Variants in PTPRN2 observed in about 807,000 individuals in gnomAD.
PTPRN2 encodes receptor-type tyrosine-protein phosphatase N2.
Under a neutral mutation model 118.8 loss-of-function variants are expected in PTPRN2, and 74 were observed. That is an observed-to-expected ratio of 0.62 (90% CI 0.52 to 0.76). The LOEUF (loss-of-function observed/expected upper bound fraction) is 0.76, where lower values mean the gene tolerates loss of function less well. Among genes scored for constraint, PTPRN2 ranks in the 30% least tolerant of loss-of-function variants. The probability of loss-of-function intolerance (pLI) is 0.00; values close to 1 mark genes in which losing one functional copy is unlikely to be tolerated. For missense variants in PTPRN2, 1,481 were observed against 1,394.4 expected, an observed-to-expected ratio of 1.06 and a Z score of -0.99; for synonymous variants, 641 against 608.0, an observed-to-expected ratio of 1.05 and a Z score of -0.80.
At position 158,525,266 on chromosome 7, in the gene PTPRN2, G is replaced by C. The variant is rs1393082002; in HGVS notation, c.113-35481C>G. Among the ~76,000 whole-genome samples the C allele has an allele frequency of 3.3e-5, 5 of 152,218 alleles. No individual in the cohort carries two copies. Among genetic ancestry groups the C allele is most frequent in the Non-Finnish European group, 5.9e-5 (4 of 68,048 alleles). On this transcript the variant is annotated intron_variant, in intron 1 of 22. Transcript: ENST00000389418. The surrounding 1 kb of genome is among the most constrained non-coding windows in gnomAD (Gnocchi z 4.1). The stretch of plus-strand genomic sequence containing the variant: ...CCAGAGGTGAAAGTTTCTCTATTTT[G>C]GAAACTGGGCATCTGCCAAGGAGAA...
At chr7:157,741,089 G>A (rs1333767873) in intron 12 of PTPRN2, among the ~76,000 whole-genome samples, 1 of 152,200 alleles carries the variant, frequency 6.6e-6, no homozygotes, top group African/African-American at 2.4e-5. Context: ...GAGGCCAAAG[G>A]TGCTTCTAAC....
chr7:158,581,045 G>A (rs960118648), intron 1 of PTPRN2, among the ~76,000 whole-genome samples: 1 of 152,192 alleles, frequency 6.6e-6, no homozygotes, highest in Admixed American at 6.5e-5. Context: ...AAGCTTCTAA[G>A]AGAAAGGCAG....
chr7:158,089,650 T>C (rs62480183), intron 10 of PTPRN2, among the ~76,000 whole-genome samples: 30 of 38,254 alleles, frequency 7.8e-4, no homozygotes, highest in South Asian at 3.6e-3. Flanking sequence ...CTTCCCCTGA[T>C]GAAAGGGGGA....
intron 2 of PTPRN2, among the ~76,000 whole-genome samples, chr7:158,436,139 A>G (rs867078345): frequency 1.5e-4 from 23 of 152,334 alleles, no homozygotes; most frequent in Middle Eastern, 3.4e-3. Context: ...CGCATCCTGG[A>G]TAATGCCAAA....
chr7:157,610,365 T>C lies in PTPRN2; in HGVS notation c.2345-6290A>G, dbSNP rs573366117. On this transcript the variant is annotated intron_variant, in intron 15 of 22. Transcript: ENST00000389418. This position sits in a 1 kb window ranked among gnomAD's most constrained non-coding sequence, Gnocchi z 5.1. ...GTGAAGGTTTAGGCTCAGTCATTTA[T>C]GCTGGCAGGAGGCCCTCTTCTTCAT... Among the ~76,000 whole-genome samples, 110 of 152,356 alleles carry C rather than the reference T, an allele frequency of 7.2e-4. No individual in the cohort carries two copies. Among genetic ancestry groups the C allele is most frequent in the African/African-American group, 2.4e-3 (101 of 41,590 alleles).
At chr7:158,367,079 C>T (rs555733352) in intron 2 of PTPRN2, among the ~76,000 whole-genome samples, 11 of 152,180 alleles carry the variant, frequency 7.2e-5, no homozygotes, top group Non-Finnish European at 1.3e-4. Flanking sequence ...GGCAACAGCA[C>T]CTGGAATGAG....
In PTPRN2 at chr7:157,622,553, G is replaced by A. The variant is rs1395970720; in HGVS notation, c.2197-1044C>T. Among the ~76,000 whole-genome samples, 1 of 152,112 alleles carries A rather than the reference G, an allele frequency of 6.6e-6. No homozygotes were observed. Among genetic ancestry groups the A allele is most frequent in the Non-Finnish European group, 1.5e-5 (1 of 68,030 alleles). On this transcript the variant is annotated intron_variant, in intron 14 of 22. Transcript: ENST00000389418. The surrounding 1 kb of genome is among the most constrained non-coding windows in gnomAD (Gnocchi z 5.3). Reference sequence around the variant, plus strand: ...AGGGAGGGCTGGACACGGCGAGGCGGGAATCTCAGGTCATCGTGCCGTCTA... The same window carrying A: ...AGGGAGGGCTGGACACGGCGAGGCGAGAATCTCAGGTCATCGTGCCGTCTA...
At chr7:158,220,061 G>A (rs963756951) in intron 3 of PTPRN2, among the ~76,000 whole-genome samples, 2 of 151,966 alleles carry the variant, frequency 1.3e-5, no homozygotes, top group Non-Finnish European at 2.9e-5. Flanking sequence ...GAAACCATAT[G>A]ATCATCTTAA....
chr7:157,662,157 G>A (rs767049099), intron 13 of PTPRN2, among the ~76,000 whole-genome samples: 2 of 152,160 alleles, frequency 1.3e-5, no homozygotes, highest in Non-Finnish European at 2.9e-5. Flanking sequence ...TAATCTCTGT[G>A]TGCCTCAGTT....
At chr7:158,347,935 G>A (rs1277958473) in intron 2 of PTPRN2, among the ~76,000 whole-genome samples, 1 of 151,966 alleles carries the variant, frequency 6.6e-6, no homozygotes, top group Non-Finnish European at 1.5e-5. Context: ...GCATTCCTGG[G>A]GGTGCCCCCT....
At chr7:157,572,560 T>C (rs974871874) in intron 19 of PTPRN2, among the ~76,000 whole-genome samples, 2 of 152,052 alleles carry the variant, frequency 1.3e-5, no homozygotes, top group African/African-American at 4.8e-5. Flanking sequence ...CCAGTGAGCA[T>C]GAGGGGAGGG....
intron 3 of PTPRN2, among the ~76,000 whole-genome samples, chr7:158,283,799 C>T (rs781136543): frequency 6.6e-6 from 1 of 152,082 alleles, no homozygotes; most frequent in Non-Finnish European, 1.5e-5. Flanking sequence ...CTAATGGCCT[C>T]CTGAGCACCA....
intron 2 of PTPRN2, among the ~76,000 whole-genome samples, chr7:158,451,575 C>T (rs918947366): frequency 3.9e-5 from 6 of 152,188 alleles, no homozygotes; most frequent in African/African-American, 1.4e-4. Context: ...TTCTCATCTT[C>T]CTTTTTTATT....
intron 2 of PTPRN2, among the ~76,000 whole-genome samples, chr7:158,377,291 G>A (rs1033926757): frequency 2.6e-5 from 4 of 152,186 alleles, no homozygotes; most frequent in Non-Finnish European, 4.4e-5. Context: ...TCAAGCACGC[G>A]GGGTCAGGGG....
At position 157,800,680 on chromosome 7, in the gene PTPRN2, C is replaced by T. The variant is rs12333859; in HGVS notation, c.1788+97993G>A. Among the ~76,000 whole-genome samples the T allele has an allele frequency of 4.5e-3, 689 of 152,116 alleles. 5 individuals are homozygous for T. The highest frequency in any genetic ancestry group is 0.016 in the African/African-American group (654 of 41,496). On this transcript the variant is annotated intron_variant, in intron 12 of 22. Coordinates refer to ENST00000389418, the MANE Select transcript of PTPRN2 (RefSeq NM_002847.5). ...TTAAAATATGAATACCTGCCGGGTG[C>T]GGTGGCTCAGGCCTGTAATCCCAGC...
intron 11 of PTPRN2, among the ~76,000 whole-genome samples, chr7:158,076,613 C>T (rs147176393): frequency 6.6e-6 from 1 of 152,350 alleles, no homozygotes; most frequent in East Asian, 1.9e-4. Context: ...CTGAATTCCA[C>T]CTTGCCAGCC....
chr7:158,336,358 T>A (rs1456886971), intron 2 of PTPRN2, among the ~76,000 whole-genome samples: 3 of 130,764 alleles, frequency 2.3e-5, no homozygotes, highest in South Asian at 2.5e-4. Context: ...ACACCCACAC[T>A]CTCACCATAA....
intron 2 of PTPRN2, among the ~76,000 whole-genome samples, chr7:158,363,623 A>T (rs1424791743): frequency 6.6e-6 from 1 of 152,176 alleles, no homozygotes; most frequent in Non-Finnish European, 1.5e-5. Context: ...AGAACCGCGC[A>T]TGCTGATACA....
rs569222129 is a variant in PTPRN2 at position 157,861,030 on chromosome 7, G to A, written c.1788+37643C>T. 6.6e-6 allele frequency among the ~76,000 whole-genome samples: 1 copy of A among 152,198 alleles called. No individual in the cohort carries two copies. The highest frequency in any genetic ancestry group is 1.5e-5 in the Non-Finnish European group (1 of 68,036). ...CCAGTCCAGGGAGCTGTGGAGAGGT[G>A]GGGGGCAGGGTGACCTTCTCTTTCT... On this transcript the variant is annotated intron_variant, in intron 12 of 22. Transcript: ENST00000389418. The surrounding 1 kb of genome is among the most constrained non-coding windows in gnomAD (Gnocchi z 5.8).
Sources: allele counts gnomAD v4.1 joint callset (sites outside exome capture counted in the v4.1 genomes callset), GRCh38; gene constraint gnomAD v4.1.1; non-coding constraint Gnocchi (gnomAD v3.1); transcripts MANE v1.5; gene names NCBI Gene and HGNC (gene_info 2026-07-23, HGNC 2026-07-21).